SGCZ: variants seen among roughly 807,000 people sequenced by gnomAD.
SGCZ encodes the protein sarcoglycan zeta.
A neutral mutation model predicts 41.3 loss-of-function variants in SGCZ; 40 were observed. That is an observed-to-expected ratio of 0.97 (90% confidence interval 0.75 to 1.26). SGCZ has a LOEUF of 1.26. Ranked by LOEUF, SGCZ falls within the 50% of genes most tolerant of loss-of-function variation. The pLI is 0.00. For missense variants in SGCZ, 552 were observed against 369.8 expected, an observed-to-expected ratio of 1.49 and a Z score of -4.04; for synonymous variants, 206 against 137.5, an observed-to-expected ratio of 1.50 and a Z score of -3.49.
intron 1 of SGCZ, among the ~76,000 whole-genome samples, chr8:15,063,524 C>T (rs538663267): frequency 3.3e-5 from 5 of 152,302 alleles, no homozygotes; most frequent in African/African-American, 1.2e-4. Flanking sequence ...GATGGCCCAA[C>T]TTATTCCTTT....
At chr8:14,756,863 G>T (rs922365904) in intron 1 of SGCZ, among the ~76,000 whole-genome samples, 6 of 152,140 alleles carry the variant, frequency 3.9e-5, no homozygotes, top group African/African-American at 1.4e-4. Flanking sequence ...AAAGCCAACA[G>T]TAAAGAGTAT....
intron 2 of SGCZ, among the ~76,000 whole-genome samples, chr8:14,335,967 A>T (rs1802492196): frequency 6.6e-6 from 1 of 152,150 alleles, no homozygotes; most frequent in Non-Finnish European, 1.5e-5. Flanking sequence ...CAGGTTTGTT[A>T]TATAAACTCA....
At chr8:14,350,849 G>T (rs925033645) in intron 2 of SGCZ, among the ~76,000 whole-genome samples, 1 of 152,090 alleles carries the variant, frequency 6.6e-6, no homozygotes, top group Non-Finnish European at 1.5e-5. Flanking sequence ...CATTATTATT[G>T]TATCGTTTAA....
At chr8:14,434,364 C>T (rs1156445040) in intron 2 of SGCZ, among the ~76,000 whole-genome samples, 2 of 152,098 alleles carry the variant, frequency 1.3e-5, no homozygotes, top group Non-Finnish European at 1.5e-5. Context: ...CTTTGGGTGA[C>T]TGTGGCCTTA....
In SGCZ at chr8:14,679,878, TA is replaced by T. The variant is rs1442628275; in HGVS notation, c.40-124953del. Among the ~76,000 whole-genome samples, 838 of 149,816 alleles carry T rather than the reference TA, an allele frequency of 5.6e-3. 12 individuals are homozygous for T. Among genetic ancestry groups the T allele is most frequent in the African/African-American group, 0.018 (755 of 41,002 alleles). On this transcript the variant is annotated intron_variant, in intron 1 of 7. Transcript: ENST00000382080. ...TACCCATTTTTTCTCTTTGATACTA[TA>T]TATTTTTTATTTTTTTAACTTTAAA...
intron 4 of SGCZ, among the ~76,000 whole-genome samples, chr8:14,168,312 C>T (rs943255945): frequency 6.6e-6 from 1 of 151,828 alleles, no homozygotes; most frequent in Non-Finnish European, 1.5e-5. Flanking sequence ...ACAAAATAAG[C>T]TGCTTTCATG....
rs1554478141 is a variant in SGCZ, at chr8:14,674,928, G to GCTTTTTTTTTTTTTTTTTTTTTTTTTTT, written c.40-120003_40-120002insAAAAAAAAAAAAAAAAAAAAAAAAAAAG. ...GCCAATTTAACCTCTTTTCTTTTCT[G>GCTTTTTTTTTTTTTTTTTTTTTTTTTTT]TTTTTTTTTTTTTTTTTTTTTTTTT... On this transcript the variant is annotated intron_variant, in intron 1 of 7. Transcript: ENST00000382080. Among the ~76,000 whole-genome samples the GCTTTTTTTTTTTTTTTTTTTTTTTTTTT allele has an allele frequency of 8.7e-4, 62 of 71,008 alleles. 16 individuals are homozygous for GCTTTTTTTTTTTTTTTTTTTTTTTTTTT. Among genetic ancestry groups the GCTTTTTTTTTTTTTTTTTTTTTTTTTTT allele is most frequent in the African/African-American group, 2.5e-3 (49 of 19,698 alleles). The allele number at this position is 71,008 out of a possible 152,430, so 46.6% of individuals were successfully genotyped here.
intron 2 of SGCZ, among the ~76,000 whole-genome samples, chr8:14,371,792 G>A (rs1020100628): frequency 1.1e-4 from 17 of 152,194 alleles, no homozygotes; most frequent in East Asian, 7.7e-4. Flanking sequence ...ATTAGGAAAC[G>A]TTATCTTTAC....
intron 1 of SGCZ, among the ~76,000 whole-genome samples, chr8:15,177,662 G>T (rs1245120048): frequency 2.6e-5 from 4 of 152,178 alleles, no homozygotes; most frequent in South Asian, 4.1e-4. Flanking sequence ...GATCTAAAAT[G>T]TATAATGGGC....
chr8:14,403,359 T>C (rs373849641), intron 2 of SGCZ, among the ~76,000 whole-genome samples: 1 of 151,130 alleles, frequency 6.6e-6, no homozygotes, highest in East Asian at 1.9e-4. Context: ...GGCATCCCTG[T>C]CTTGTGCCAC....
intron 1 of SGCZ, among the ~76,000 whole-genome samples, chr8:14,860,913 T>C (rs1025419156): frequency 6.6e-6 from 1 of 152,156 alleles, no homozygotes; most frequent in East Asian, 1.9e-4. Context: ...TTTGAACTTT[T>C]GTTTCCAAGG....
intron 2 of SGCZ, among the ~76,000 whole-genome samples, chr8:14,375,957 C>T (rs1377754696): frequency 1.3e-5 from 2 of 152,148 alleles, no homozygotes; most frequent in South Asian, 2.1e-4. Context: ...TGCATACAAA[C>T]TATAACTTAA....
At chr8:14,895,215 G>C (rs186956471) in intron 1 of SGCZ, among the ~76,000 whole-genome samples, 18 of 152,210 alleles carry the variant, frequency 1.2e-4, no homozygotes, top group Admixed American at 2.0e-4. Flanking sequence ...GTGTCATTTG[G>C]TGTGGTGGTT....
Position 14,633,410 on chromosome 8 carries a change from C to G in SGCZ, c.40-78484G>C, listed in dbSNP as rs148707852. Among the ~76,000 whole-genome samples, 1,336 of 151,948 alleles carry G rather than the reference C, an allele frequency of 8.8e-3. 19 individuals are homozygous for G. Among genetic ancestry groups the G allele is most frequent in the African/African-American group, 0.03 (1,266 of 41,520 alleles). ...TAGACATAGTAATGCATAAAATGTTCTTTTGAATAAGTAACCTATTACTTA... is the reference window on the plus strand; with the variant it reads ...TAGACATAGTAATGCATAAAATGTTGTTTTGAATAAGTAACCTATTACTTA... On this transcript the variant is annotated intron_variant, in intron 1 of 7. Coordinates refer to ENST00000382080, the MANE Select transcript of SGCZ (RefSeq NM_139167.4).
intron 1 of SGCZ, among the ~76,000 whole-genome samples, chr8:15,040,651 A>G (rs1348395501): frequency 6.6e-6 from 1 of 152,176 alleles, no homozygotes; most frequent in African/African-American, 2.4e-5. Flanking sequence ...ACTTCCAAGT[A>G]AAATGAATAT....
At chr8:15,106,505 T>C (rs928985322) in intron 1 of SGCZ, among the ~76,000 whole-genome samples, 3 of 152,116 alleles carry the variant, frequency 2.0e-5, no homozygotes, top group Admixed American at 2.0e-4. Context: ...ACAGTCTAAA[T>C]GTATTTGGTA....
At chr8:14,492,867 C>A (rs575265723) in intron 2 of SGCZ, among the ~76,000 whole-genome samples, 1 of 152,136 alleles carries the variant, frequency 6.6e-6, no homozygotes, top group East Asian at 1.9e-4. Context: ...CAGTGTAATT[C>A]TTGACATTTC....
At position 15,237,778 on chromosome 8, in the gene SGCZ, G is replaced by T. The variant is rs186216935; in HGVS notation, c.-155C>A. On this transcript the variant is annotated 5_prime_UTR_variant, in exon 1 of 8. Transcript: ENST00000382080. ...TCCGTGGTCACGCCGCCTCCACCGGGTTAAAAATAAGGAAAATAAATAAAT... is the reference window on the plus strand; with the variant it reads ...TCCGTGGTCACGCCGCCTCCACCGGTTTAAAAATAAGGAAAATAAATAAAT... 1 of 637,332 alleles carries T rather than the reference G, an allele frequency of 1.6e-6. No individual in the cohort carries two copies. The highest frequency in any genetic ancestry group is 2.8e-6 in the Non-Finnish European group (1 of 361,530). 39.5% of individuals were successfully genotyped at this position (637,332 alleles called of 1,614,324 possible).
chr8:14,973,123 A>G (rs1801354331), intron 1 of SGCZ, among the ~76,000 whole-genome samples: 1 of 152,184 alleles, frequency 6.6e-6, no homozygotes, highest in South Asian at 2.1e-4. Context: ...ACTTTAGAAA[A>G]CTTGTAAGTG....
Sources: gnomAD v4.1 joint callset for allele counts (sites outside exome capture counted in the v4.1 genomes callset) on GRCh38, gnomAD v4.1.1 for gene constraint, MANE v1.5 for transcripts, NCBI Gene and HGNC (gene_info 2026-07-23, HGNC 2026-07-21) for gene names.